FBN2: variants seen among roughly 807,000 people sequenced by gnomAD.
FBN2 encodes the protein fibrillin 2, also known as fibrillin-2.
FBN2 carries 105 observed loss-of-function variants against 355.6 expected under a neutral mutation model. The observed-to-expected ratio is 0.30, with a 90% CI of 0.25 to 0.35. The LOEUF is 0.35. Among genes scored for constraint, FBN2 ranks in the 10% least tolerant of loss-of-function variants. The pLI is 1.00. For missense variants in FBN2, 3,280 were observed against 3,758.7 expected (o/e 0.87, Z 3.33); for synonymous variants, 1,350 against 1,301.2 (o/e 1.04, Z -0.81).
At position 128,391,546 on chromosome 5, in the gene FBN2, G is replaced by T. The variant is rs1302053520; in HGVS notation, c.1603+472C>A. On this transcript the variant is annotated intron_variant, in intron 11 of 64. Coordinates refer to ENST00000262464, the MANE Select transcript of FBN2 (RefSeq NM_001999.4). The stretch of plus-strand genomic sequence containing the variant: ...ATTTTCATCTTTAATTTCTAATTAG[G>T]TAATTATCAAAGTAGAGATAACCAA... 3.9e-5 allele frequency among the ~76,000 whole-genome samples: 6 copies of T among 151,954 alleles called. No individual in the cohort carries two copies. In the East Asian group the frequency reaches 1.2e-3, roughly 29 times the overall value.
chr5:128,344,986 C>T (rs1262421458), intron 24 of FBN2, among the ~76,000 whole-genome samples: 1 of 152,180 alleles, frequency 6.6e-6, no homozygotes, highest in Non-Finnish European at 1.5e-5. Flanking sequence ...TAGGCGTGAG[C>T]CACCACGCCC....
At chr5:128,410,385 A>G (rs1423565048) in intron 7 of FBN2, among the ~76,000 whole-genome samples, 1 of 152,238 alleles carries the variant, frequency 6.6e-6, no homozygotes, top group East Asian at 1.9e-4. Context: ...TCACCTCTGG[A>G]TAAGGAAGAG....
chr5:128,373,754 G>A (rs1307663462), intron 15 of FBN2, among the ~76,000 whole-genome samples: 9 of 152,114 alleles, frequency 5.9e-5, no homozygotes, highest in Admixed American at 2.6e-4. Flanking sequence ...CGCCAGTGAC[G>A]CTTCTGTTTT....
At chr5:128,434,422 A>ATGTATATATG (rs1336331779) in intron 7 of FBN2, among the ~76,000 whole-genome samples, 1 of 132,682 alleles carries the variant, frequency 7.5e-6, no homozygotes, top group African/African-American at 3.3e-5. Context: ...ATATATATAT[A>ATGTATATATG]TATGGGCAGT....
At chr5:128,356,990 G>C (rs1751517757) in intron 20 of FBN2, among the ~76,000 whole-genome samples, 1 of 152,134 alleles carries the variant, frequency 6.6e-6, no homozygotes, top group Admixed American at 6.6e-5. Context: ...CATTTTTAGG[G>C]TAACGGATAT....
At chr5:128,446,749 C>A (rs1754076280) in intron 6 of FBN2, 143 bp from the exon 7 acceptor site, 1 of 685,070 alleles carries the variant, frequency 1.5e-6, no homozygotes, top group African/African-American at 1.8e-5. Flanking sequence ...AGTAAAACAC[C>A]TTTGTATGCA....
intron 11 of FBN2, among the ~76,000 whole-genome samples, chr5:128,383,528 G>C (rs1752289561): frequency 6.6e-6 from 1 of 152,022 alleles, no homozygotes; most frequent in Non-Finnish European, 1.5e-5. Context: ...AGAAGAAAAG[G>C]CAAGCCACAG....
chr5:128,506,592 C>G (rs1330684334), intron 5 of FBN2, among the ~76,000 whole-genome samples: 1 of 152,098 alleles, frequency 6.6e-6, no homozygotes, highest in East Asian at 1.9e-4. Flanking sequence ...ATAACATCAT[C>G]TACAAGTAAA....
intron 6 of FBN2, among the ~76,000 whole-genome samples, chr5:128,457,886 A>G (rs1754443475): frequency 6.6e-6 from 1 of 152,138 alleles, no homozygotes. Context: ...CAATAACACT[A>G]TGAAGAAACT....
At chr5:128,472,036 A>G (rs1754874192) in intron 5 of FBN2, among the ~76,000 whole-genome samples, 1 of 152,260 alleles carries the variant, frequency 6.6e-6, no homozygotes, top group Admixed American at 6.5e-5. Flanking sequence ...TTAAGACTAT[A>G]GGCACTTGAA....
intron 7 of FBN2, among the ~76,000 whole-genome samples, chr5:128,409,582 C>G (rs559691347): frequency 6.6e-6 from 1 of 152,238 alleles, no homozygotes; most frequent in African/African-American, 2.4e-5. Flanking sequence ...TCTAACAAAG[C>G]TGCAATTAGG....
intron 7 of FBN2, among the ~76,000 whole-genome samples, chr5:128,442,622 G>C (rs946666702): frequency 6.6e-6 from 1 of 152,098 alleles, no homozygotes; most frequent in Non-Finnish European, 1.5e-5. Context: ...AATTAGATTT[G>C]GGAACCAAAC....
intron 56 of FBN2, 131 bp from the exon 57 acceptor site, chr5:128,278,972 T>A: frequency 1.3e-6 from 1 of 768,570 alleles, no homozygotes; most frequent in Non-Finnish European, 2.2e-6. Flanking sequence ...CTTAATTATT[T>A]AAGTTTTGCT....
chr5:128,378,007 A>AG (rs1752128341), intron 12 of FBN2, 130 bp from the exon 13 acceptor site: 2 of 555,582 alleles, frequency 3.6e-6, no homozygotes, highest in East Asian at 7.4e-5. Context: ...GTCTCTCAGC[A>AG]GTTTTTTTTT....
chr5:128,527,823 T>C lies in FBN2; in HGVS notation c.532+49A>G, dbSNP rs760932245. 1.5e-5 allele frequency: 19 copies of C among 1,297,178 alleles called. No homozygotes were observed. In the Admixed American group the frequency reaches 2.9e-4, roughly 20 times the overall value. The allele number at this position is 1,297,178 out of a possible 1,614,324, so 80.4% of individuals were successfully genotyped here. On this transcript the variant is annotated intron_variant, in intron 4 of 64. Coordinates refer to ENST00000262464, the MANE Select transcript of FBN2 (RefSeq NM_001999.4). ...TGAGACCTTAAATTATAACTTAATA[T>C]GAAATATCCACCAAATCAAATGATT... is the stretch of plus-strand genomic sequence containing the variant.
At chr5:128,450,254 A>T (rs1488928598) in intron 6 of FBN2, among the ~76,000 whole-genome samples, 1 of 152,250 alleles carries the variant, frequency 6.6e-6, no homozygotes, top group East Asian at 1.9e-4. Context: ...GTGCCCACAG[A>T]ATATTTACCA....
chr5:128,476,056 T>C (rs1160813646), intron 5 of FBN2, among the ~76,000 whole-genome samples: 1 of 152,168 alleles, frequency 6.6e-6, no homozygotes, highest in Admixed American at 6.5e-5. Context: ...TTGTACAATT[T>C]AGACATTACG....
chr5:128,308,272 T>A (rs1749937857), intron 41 of FBN2, among the ~76,000 whole-genome samples: 1 of 152,158 alleles, frequency 6.6e-6, no homozygotes, highest in African/African-American at 2.4e-5. Context: ...AAATCAATGA[T>A]CTTAAATTTG....
intron 5 of FBN2, among the ~76,000 whole-genome samples, chr5:128,468,978 C>A (rs901200752): frequency 6.6e-6 from 1 of 151,988 alleles, no homozygotes; most frequent in African/African-American, 2.4e-5. Context: ...TGTTCTGAAC[C>A]TGGAGTGTTC....
Sources: gnomAD v4.1 joint callset for allele counts (sites outside exome capture counted in the v4.1 genomes callset) on GRCh38, gnomAD v4.1.1 for gene constraint, MANE v1.5 for transcripts, NCBI Gene and HGNC (gene_info 2026-07-23, HGNC 2026-07-21) for gene names.